CADM1: variants seen among roughly 807,000 people sequenced by gnomAD.
The protein encoded by CADM1 is cell adhesion molecule 1.
In CADM1, 15 loss-of-function variants were observed where a neutral mutation model predicts 53.1. That is an observed-to-expected ratio of 0.28 (90% CI 0.19 to 0.44). CADM1 has a LOEUF of 0.44. Ranked by LOEUF, CADM1 falls within the 20% of genes least tolerant of loss-of-function variation. CADM1 has a pLI of 1.00. For synonymous variants in CADM1, 281 were observed against 243.0 expected (o/e 1.16, Z -1.45); for missense variants, 434 against 611.3 (o/e 0.71, Z 3.06).
Position 115,174,763 on chromosome 11 carries a change from A to C in CADM1, c.*1711T>G, listed in dbSNP as rs1164074960. On this transcript the variant is annotated 3_prime_UTR_variant, in exon 12 of 12. Coordinates refer to ENST00000331581, the MANE Select transcript of CADM1 (RefSeq NM_001301043.2). ...AATATATATTTATATATATATATAG[A>C]TCTATCTTTTTTGATGCCATCTTTC... 7.9e-6 allele frequency: 7 copies of C among 890,112 alleles called. No individual in the cohort carries two copies. In the African/African-American group the frequency reaches 1.3e-4, roughly 16 times the overall value. The allele number at this position is 890,112 out of a possible 1,614,324, so 55.1% of individuals were successfully genotyped here. A position where few individuals can be genotyped will look rare whatever the true frequency, so the allele number is the denominator to read the frequency against.
chr11:115,464,944 G>A (rs1948867550), intron 1 of CADM1, among the ~76,000 whole-genome samples: 1 of 152,166 alleles, frequency 6.6e-6, no homozygotes, highest in South Asian at 2.1e-4. Flanking sequence ...ATTTCCAGGA[G>A]GCACTCCTAT....
intron 1 of CADM1, among the ~76,000 whole-genome samples, chr11:115,386,221 C>T (rs1032568760): frequency 1.3e-5 from 2 of 152,186 alleles, no homozygotes; most frequent in African/African-American, 4.8e-5. Flanking sequence ...GAGACTATTG[C>T]ATGGGCAAAG....
intron 1 of CADM1, among the ~76,000 whole-genome samples, chr11:115,493,346 C>T (rs1310055322): frequency 1.3e-5 from 2 of 150,684 alleles, no homozygotes; most frequent in East Asian, 2.0e-4. Context: ...AATGCCTCTA[C>T]CCAAGTAGAG....
intron 1 of CADM1, among the ~76,000 whole-genome samples, chr11:115,337,656 T>C (rs1043269558): frequency 2.6e-5 from 4 of 152,160 alleles, no homozygotes; most frequent in Admixed American, 6.6e-5. Flanking sequence ...GTTATACATA[T>C]ATTTTTTTCT....
chr11:115,423,359 A>T (rs1220546421), intron 1 of CADM1, among the ~76,000 whole-genome samples: 1 of 152,218 alleles, frequency 6.6e-6, no homozygotes, highest in African/African-American at 2.4e-5. Context: ...TACTTGCCCC[A>T]GGAGAAACTT....
At chr11:115,443,623 C>A (rs554701361) in intron 1 of CADM1, among the ~76,000 whole-genome samples, 1 of 152,312 alleles carries the variant, frequency 6.6e-6, no homozygotes, top group South Asian at 2.1e-4. Flanking sequence ...TCAGAAGAGA[C>A]TAGACTTCAA....
chr11:115,340,894 T>C (rs1345019772), intron 1 of CADM1, among the ~76,000 whole-genome samples: 1 of 151,292 alleles, frequency 6.6e-6, no homozygotes, highest in Non-Finnish European at 1.5e-5. Context: ...ACTCCTGACC[T>C]CAGGTGATCC....
chr11:115,347,999 C>G (rs748867331), intron 1 of CADM1, among the ~76,000 whole-genome samples: 3 of 152,098 alleles, frequency 2.0e-5, no homozygotes, highest in Non-Finnish European at 4.4e-5. Flanking sequence ...TACACAATTT[C>G]ATATATTTTG....
chr11:115,285,696 T>C (rs539429197), intron 1 of CADM1, among the ~76,000 whole-genome samples: 1 of 152,214 alleles, frequency 6.6e-6, no homozygotes, highest in East Asian at 1.9e-4. Flanking sequence ...GTTTGATAGA[T>C]GAGGTAGAAG....
chr11:115,231,582 G>A (rs943540471), intron 3 of CADM1, 92 bp from the exon 4 acceptor site: 30 of 1,209,674 alleles, frequency 2.5e-5, no homozygotes, highest in Admixed American at 1.2e-4. Flanking sequence ...ATTCCTGATG[G>A]GAATTTAAAT....
intron 8 of CADM1, among the ~76,000 whole-genome samples, chr11:115,206,788 T>TTTTTTTTC (rs1565297529): frequency 6.3e-5 from 9 of 143,314 alleles, no homozygotes; most frequent in South Asian, 4.6e-4. Context: ...TTTTTTTTTT[T>TTTTTTTTC]TAAGCTCAGG....
intron 1 of CADM1, among the ~76,000 whole-genome samples, chr11:115,326,067 A>G (rs981567171): frequency 6.6e-6 from 1 of 152,204 alleles, no homozygotes; most frequent in African/African-American, 2.4e-5. Flanking sequence ...AATACTATGC[A>G]CAAGTCAATA....
At chr11:115,361,721 CTTA>C (rs1203290595) in intron 1 of CADM1, among the ~76,000 whole-genome samples, 3 of 151,862 alleles carry the variant, frequency 2.0e-5, no homozygotes, top group South Asian at 2.1e-4. Context: ...ACACCCAAAC[CTTA>C]TTATTATTAT....
intron 1 of CADM1, among the ~76,000 whole-genome samples, chr11:115,310,678 C>G (rs1944510350): frequency 6.6e-6 from 1 of 152,130 alleles, no homozygotes; most frequent in African/African-American, 2.4e-5. Context: ...TGGTTTACTC[C>G]TAAGCCGCAG....
intron 7 of CADM1, 166 bp downstream of exon 7, chr11:115,214,442 C>T: frequency 1.5e-6 from 1 of 661,148 alleles, no homozygotes; most frequent in South Asian, 1.8e-5. Flanking sequence ...AGTCACTATC[C>T]CAGGTGGAGA....
At chr11:115,366,067 C>T (rs1363664040) in intron 1 of CADM1, among the ~76,000 whole-genome samples, 1 of 152,178 alleles carries the variant, frequency 6.6e-6, no homozygotes, top group Non-Finnish European at 1.5e-5. Context: ...ATTAATGACT[C>T]CTTTTTGCCA....
chr11:115,421,900 C>T (rs764198176), intron 1 of CADM1, among the ~76,000 whole-genome samples: 8 of 152,180 alleles, frequency 5.3e-5, no homozygotes, highest in South Asian at 2.1e-4. Flanking sequence ...TTAAATATTT[C>T]GGTACGATGA....
intron 1 of CADM1, among the ~76,000 whole-genome samples, chr11:115,261,491 G>A (rs899494359): frequency 2.0e-5 from 3 of 152,168 alleles, no homozygotes; most frequent in Admixed American, 1.3e-4. Context: ...TCTGAGATAA[G>A]GATTAATATT....
intron 1 of CADM1, among the ~76,000 whole-genome samples, chr11:115,363,088 T>G (rs1047007556): frequency 6.6e-6 from 1 of 152,206 alleles, no homozygotes; most frequent in Non-Finnish European, 1.5e-5. Context: ...AATCTTCCAT[T>G]AAGAATCAAT....
Sources: gnomAD v4.1 joint callset for allele counts (sites outside exome capture counted in the v4.1 genomes callset) on GRCh38, gnomAD v4.1.1 for gene constraint, MANE v1.5 for transcripts, NCBI Gene and HGNC (gene_info 2026-07-23, HGNC 2026-07-21) for gene names.